CNTNAP5: variants seen among roughly 807,000 people sequenced by gnomAD.
The protein encoded by CNTNAP5 is contactin-associated protein-like 5.
CNTNAP5 carries 72 observed loss-of-function variants against 150.2 expected under a neutral mutation model. The observed-to-expected ratio is 0.48, with a 90% confidence interval of 0.40 to 0.58. The LOEUF is 0.58. CNTNAP5 is among the 20% of genes least tolerant of loss of function. The probability of loss-of-function intolerance (pLI) is 0.00; values close to 1 mark genes in which losing one functional copy is unlikely to be tolerated. For synonymous variants in CNTNAP5, 672 were observed against 619.8 expected (o/e 1.08, Z -1.25); for missense variants, 1,636 against 1,626.2 (o/e 1.01, Z -0.10).
chr2:124,487,416 C>T (rs987321516), intron 7 of CNTNAP5, among the ~76,000 whole-genome samples: 4 of 152,108 alleles, frequency 2.6e-5, no homozygotes, highest in Non-Finnish European at 5.9e-5. Flanking sequence ...ATTTCGTATC[C>T]AAACACATTT....
intron 2 of CNTNAP5, among the ~76,000 whole-genome samples, chr2:124,234,726 C>G (rs973941287): frequency 2.6e-5 from 4 of 152,178 alleles, no homozygotes; most frequent in Admixed American, 1.3e-4. Flanking sequence ...AACAGGCAGA[C>G]AGACCTCCTT....
At chr2:124,507,170 C>T (rs1414473787) in intron 8 of CNTNAP5, among the ~76,000 whole-genome samples, 2 of 152,004 alleles carry the variant, frequency 1.3e-5, no homozygotes, top group Non-Finnish European at 1.5e-5. Flanking sequence ...GCCAAAATCA[C>T]GTTATGGGCC....
At chr2:124,222,291 G>A (rs1271809049) in intron 2 of CNTNAP5, among the ~76,000 whole-genome samples, 1 of 152,054 alleles carries the variant, frequency 6.6e-6, no homozygotes, top group Non-Finnish European at 1.5e-5. Flanking sequence ...AGAAATAACT[G>A]TAGTTAAGTA....
intron 11 of CNTNAP5, among the ~76,000 whole-genome samples, chr2:124,568,131 T>C (rs1696074550): frequency 6.6e-6 from 1 of 152,180 alleles, no homozygotes; most frequent in Non-Finnish European, 1.5e-5. Flanking sequence ...TATTACAAAC[T>C]TGGTGATGGG....
chr2:124,391,131 G>T (rs192293257), intron 3 of CNTNAP5, among the ~76,000 whole-genome samples: 1 of 152,216 alleles, frequency 6.6e-6, no homozygotes, highest in East Asian at 1.9e-4. Context: ...TATGAGATGG[G>T]TATAATAAAA....
intron 1 of CNTNAP5, among the ~76,000 whole-genome samples, chr2:124,161,802 A>G (rs1306364041): frequency 6.6e-6 from 1 of 152,236 alleles, no homozygotes; most frequent in African/African-American, 2.4e-5. Context: ...AAATTAAAAT[A>G]TGAGCATCAT....
intron 1 of CNTNAP5, among the ~76,000 whole-genome samples, chr2:124,174,959 A>T (rs1479492688): frequency 1.3e-5 from 2 of 152,210 alleles, no homozygotes; most frequent in Admixed American, 1.3e-4. Context: ...CAAAAACGTT[A>T]TGACTTGCTG....
intron 1 of CNTNAP5, among the ~76,000 whole-genome samples, chr2:124,055,508 C>G (rs1361990566): frequency 6.6e-6 from 1 of 152,178 alleles, no homozygotes; most frequent in Non-Finnish European, 1.5e-5. Flanking sequence ...AGCCTCACAT[C>G]TTTCATGAAT....
At chr2:124,252,838 T>C (rs746485381) in intron 3 of CNTNAP5, among the ~76,000 whole-genome samples, 1 of 152,090 alleles carries the variant, frequency 6.6e-6, no homozygotes, top group Non-Finnish European at 1.5e-5. Context: ...AATAAGAATA[T>C]CTCATAAACC....
chr2:124,452,534 T>G (rs1384576936), intron 6 of CNTNAP5, among the ~76,000 whole-genome samples: 1 of 152,150 alleles, frequency 6.6e-6, no homozygotes, highest in Non-Finnish European at 1.5e-5. Context: ...CTCTCCATAC[T>G]ACTAAGGCTG....
At chr2:124,224,949 C>T (rs1225585764) in intron 2 of CNTNAP5, among the ~76,000 whole-genome samples, 1 of 152,054 alleles carries the variant, frequency 6.6e-6, no homozygotes, top group African/African-American at 2.4e-5. Flanking sequence ...ATGAACACTC[C>T]TTTTTAATGT....
intron 2 of CNTNAP5, among the ~76,000 whole-genome samples, chr2:124,223,142 T>C (rs1484429976): frequency 6.6e-6 from 1 of 152,146 alleles, no homozygotes; most frequent in Non-Finnish European, 1.5e-5. Flanking sequence ...AGGCATCAGT[T>C]TCCCAAGACA....
chr2:124,400,273 G>C (rs1469143505), intron 3 of CNTNAP5, among the ~76,000 whole-genome samples: 1 of 151,968 alleles, frequency 6.6e-6, no homozygotes, highest in Non-Finnish European at 1.5e-5. Context: ...GAATATATAT[G>C]CATATATTTA....
At chr2:124,843,416 T>C (rs1465386883) in intron 19 of CNTNAP5, among the ~76,000 whole-genome samples, 2 of 152,122 alleles carry the variant, frequency 1.3e-5, no homozygotes, top group Admixed American at 1.3e-4. Context: ...CACTCGTTGA[T>C]TGATGAGCAT....
At chr2:124,255,145 C>G (rs1322166747) in intron 3 of CNTNAP5, among the ~76,000 whole-genome samples, 1 of 152,062 alleles carries the variant, frequency 6.6e-6, no homozygotes, top group Non-Finnish European at 1.5e-5. Context: ...CTCAGCTACT[C>G]TGAAGGCTGA....
chr2:124,570,532 G>C (rs1696127496), intron 11 of CNTNAP5, among the ~76,000 whole-genome samples: 1 of 151,354 alleles, frequency 6.6e-6, no homozygotes, highest in Non-Finnish European at 1.5e-5. Context: ...CTTCTCTGCT[G>C]GCCAACTAAG....
chr2:124,088,748 T>G (rs1682753792), intron 1 of CNTNAP5, among the ~76,000 whole-genome samples: 1 of 152,126 alleles, frequency 6.6e-6, no homozygotes, highest in South Asian at 2.1e-4. Flanking sequence ...GAGTCTGCCC[T>G]GGAACTGTCT....
At chr2:124,237,142 A>C (rs371458213) in intron 2 of CNTNAP5, among the ~76,000 whole-genome samples, 1 of 152,130 alleles carries the variant, frequency 6.6e-6, no homozygotes, top group East Asian at 1.9e-4. Flanking sequence ...GAAAAAAGAA[A>C]GAAAACAAAA....
chr2:124,478,382 G>A (rs554502887), intron 7 of CNTNAP5, among the ~76,000 whole-genome samples: 18 of 152,206 alleles, frequency 1.2e-4, no homozygotes, highest in African/African-American at 4.1e-4. Flanking sequence ...AAAATCCCAA[G>A]AAAATTGTTT....
Sources: allele counts gnomAD v4.1 joint callset (sites outside exome capture counted in the v4.1 genomes callset), GRCh38; gene constraint gnomAD v4.1.1; transcripts MANE v1.5; gene names NCBI Gene and HGNC (gene_info 2026-07-23, HGNC 2026-07-21).